RGR: variants seen among roughly 807,000 people sequenced by gnomAD.
The protein encoded by RGR is retinal G protein coupled receptor, also known as RPE-retinal G protein-coupled receptor.
In RGR, 30 loss-of-function variants were observed where a neutral mutation model predicts 28.6. That is an observed-to-expected ratio of 1.05 (90% CI 0.78 to 1.42). RGR has a LOEUF of 1.42. RGR is among the 40% of genes most tolerant of loss of function. The pLI is 0.00. For missense variants in RGR, 404 were observed against 375.6 expected, an observed-to-expected ratio of 1.08 and a Z score of -0.62; for synonymous variants, 180 against 156.4, an observed-to-expected ratio of 1.15 and a Z score of -1.13.
rs776462561 is a variant in RGR, at chr10:84,258,638, G to A, written c.875G>A (p.Ter292=). ...AAGAGGGAGAAGGACCGAACCAAGT[G>A]AGCCTGCCACCCTGGAGTGAGCCCC... ...PQKREKDRTK[*] is the part of the protein sequence containing the mutation. The change falls in exon 7 of 7, where the codon TGA becomes TAA. Residue 292 remains the stop codon, a stop_retained_variant. Transcript: ENST00000652092. The A allele has an allele frequency of 1.9e-6, 3 of 1,614,116 alleles. No homozygotes were observed. Among genetic ancestry groups the A allele is most frequent in the South Asian group, 2.2e-5 (2 of 91,086 alleles).
At chr10:84,255,318 C>A (rs1329256767) in intron 5 of RGR, 1 of 152,380 alleles carries the variant, frequency 6.6e-6, no homozygotes, top group Non-Finnish European at 1.5e-5. Flanking sequence ...TTCACCCAGA[C>A]CCCGTAACTC....
At chr10:84,248,329 C>A in intron 2 of RGR, 1 of 410,324 alleles carries the variant, frequency 2.4e-6, no homozygotes. Context: ...CAGGGTCTTC[C>A]ATCACAGCTT....
At position 84,258,559 on chromosome 10, in the gene RGR, G is replaced by A; in HGVS notation, c.796G>A (p.Ala266Thr). ...MVPTINAINY[A>T]LGNEMVCRGI... ...GCCCACGATCAATGCCATCAACTAT[G>A]CCCTGGGCAATGAGATGGTCTGCAG... The change falls in exon 7 of 7, where the codon GCC becomes ACC. Residue 266 changes from alanine to threonine, a missense_variant. Transcript: ENST00000652092. 6.2e-7 allele frequency: 1 copy of A among 1,614,204 alleles called. No individual in the cohort carries two copies. The highest frequency in any genetic ancestry group is 8.5e-7 in the Non-Finnish European group (1 of 1,180,044).
At position 84,258,693 on chromosome 10, in the gene RGR, C is replaced by G. The variant is rs1046012954; in HGVS notation, c.*54C>G. ...CAGGAGGCTGTTCCAGGAGTCCTGC[C>G]CAGCAGCCTCAGTGGCCAAGCCCAG... On this transcript the variant is annotated 3_prime_UTR_variant, in exon 7 of 7. Transcript: ENST00000652092. The G allele has an allele frequency of 4.5e-4, 726 of 1,611,492 alleles. No individual in the cohort carries two copies. The highest frequency in any genetic ancestry group is 6.0e-4 in the Non-Finnish European group (706 of 1,179,238).
At position 84,259,314 on chromosome 10, in the gene RGR, A is replaced by G. The variant is rs1023068093; in HGVS notation, c.*675A>G. 2.4e-5 allele frequency: 3 copies of G among 125,660 alleles called. No homozygotes were observed. The highest frequency in any genetic ancestry group is 1.6e-4 in the Admixed American group (2 of 12,822). The allele number at this position is 125,660 out of a possible 1,614,324, so 7.8% of individuals were successfully genotyped here. A position where few individuals can be genotyped will look rare whatever the true frequency, so the allele number is the denominator to read the frequency against. On this transcript the variant is annotated 3_prime_UTR_variant, in exon 7 of 7. Coordinates refer to ENST00000652092, the MANE Select transcript of RGR (RefSeq NM_001012720.2). ...AATCATCTGTTGATGGATAGATTCC[A>G]TATCTTTGCTACTGTAAACAGCTGT...
intron 1 of RGR, among the ~76,000 whole-genome samples, chr10:84,246,716 T>G (rs1842751166): frequency 6.6e-6 from 1 of 152,218 alleles, no homozygotes; most frequent in Non-Finnish European, 1.5e-5. Flanking sequence ...TTTGGCTGGA[T>G]TAAATGGCAG....
At chr10:84,254,110 G>A (rs977566823) in intron 4 of RGR, among the ~76,000 whole-genome samples, 1 of 152,186 alleles carries the variant, frequency 6.6e-6, no homozygotes, top group African/African-American at 2.4e-5. Flanking sequence ...AGGAAAGCAG[G>A]GCTGAGCACT....
chr10:84,252,770 C>T, intron 3 of RGR, 87 bp from the exon 4 acceptor site: 2 of 1,537,214 alleles, frequency 1.3e-6, no homozygotes, highest in Admixed American at 3.3e-5. Context: ...TGAAGGGACA[C>T]TCTTCGAGAT....
intron 1 of RGR, 32 bp downstream of exon 1, chr10:84,245,201 G>T: frequency 6.2e-7 from 1 of 1,604,704 alleles, no homozygotes. Flanking sequence ...GTGCAGCGGG[G>T]GCCCAGTGGG....
intron 5 of RGR, among the ~76,000 whole-genome samples, chr10:84,256,478 T>C (rs1238214268): frequency 6.6e-6 from 1 of 152,230 alleles, no homozygotes; most frequent in Non-Finnish European, 1.5e-5. Context: ...CCACCACCCA[T>C]GTGGTCAATC....
rs2132878758 is a variant in RGR, at chr10:84,248,949, C to T, written c.264C>T (p.Cys88=). Residue 88 remains cysteine (C), a synonymous_variant, in exon 3 of 7, where the codon TGC becomes TGT. Coordinates refer to ENST00000652092, the MANE Select transcript of RGR (RefSeq NM_001012720.2). Reference sequence around the variant, plus strand: ...GCTGGCCCTACGGCTCGGACGGCTGCCAGGCTCACGGCTTCCAGGGCTTTG... The same window carrying T: ...GCTGGCCCTACGGCTCGGACGGCTGTCAGGCTCACGGCTTCCAGGGCTTTG... The part of the protein sequence containing the change: ...LRRWPYGSDG[C]QAHGFQGFVT... 6.2e-7 allele frequency: 1 copy of T among 1,614,138 alleles called. No individual in the cohort carries two copies. The highest frequency in any genetic ancestry group is 1.7e-5 in the Admixed American group (1 of 60,020).
rs1189572628 is a variant in RGR at position 84,245,062 on chromosome 10, T to C, written c.-29T>C. On this transcript the variant is annotated 5_prime_UTR_variant, in exon 1 of 7. Transcript: ENST00000652092. ...CTGGCTGTGGGAAGCCAGAGACAGC[T>C]GGGCCACTGGCAGTGAGGGAGAGTG... is the stretch of plus-strand genomic sequence containing the variant. The C allele has an allele frequency of 1.3e-5, 21 of 1,610,642 alleles. No homozygotes were observed. The highest frequency in any genetic ancestry group is 1.8e-5 in the Non-Finnish European group (21 of 1,177,332).
chr10:84,245,265 A>C, intron 1 of RGR, 96 bp downstream of exon 1: 1 of 1,262,578 alleles, frequency 7.9e-7, no homozygotes, highest in African/African-American at 1.5e-5. Flanking sequence ...AGAGGTCCCC[A>C]AACCCAGCTG....
Position 84,248,934 on chromosome 10 carries a change from C to CGGCTCGGA in RGR, c.250_257dup (p.Asp86GlufsTer15), listed in dbSNP as rs1564548704. 3 of 1,614,008 alleles carry CGGCTCGGA rather than the reference C, an allele frequency of 1.9e-6. No homozygotes were observed. In the Admixed American group the frequency reaches 5.0e-5, roughly 27 times the overall value. ...GTGTCTCCCACAGGCGCTGGCCCTA[C>CGGCTCGGA]GGCTCGGACGGCTGCCAGGCTCACG... On this transcript the variant is annotated frameshift_variant, in exon 3 of 7. Coordinates refer to ENST00000652092, the MANE Select transcript of RGR (RefSeq NM_001012720.2). LOFTEE classifies it high-confidence loss of function.
intron 5 of RGR, among the ~76,000 whole-genome samples, chr10:84,255,793 C>T (rs1354070298): frequency 2.8e-5 from 4 of 141,504 alleles, no homozygotes; most frequent in South Asian, 2.2e-4. Flanking sequence ...GGTGTGATGT[C>T]GGCTCACCGC....
In RGR at chr10:84,258,617, G is replaced by C. The variant is rs771512606; in HGVS notation, c.854G>C (p.Arg285Thr). 6.2e-6 allele frequency: 10 copies of C among 1,614,192 alleles called. No individual in the cohort carries two copies. The highest frequency in any genetic ancestry group is 8.5e-6 in the Non-Finnish European group (10 of 1,180,030). Residue 285 changes from arginine to threonine, a missense_variant, in exon 7 of 7, where the codon AGG (arginine) becomes ACG (threonine). Transcript: ENST00000652092. ...GIWQCLSPQK[R>T]EKDRTK ...TGGCAGTGCCTCTCACCGCAGAAGA[G>C]GGAGAAGGACCGAACCAAGTGAGCC...
chr10:84,247,470 A>T, intron 1 of RGR, 121 bp from the exon 2 acceptor site: 1 of 1,166,454 alleles, frequency 8.6e-7, no homozygotes, highest in Non-Finnish European at 1.3e-6. Flanking sequence ...ATGCTACCCT[A>T]TATTGATTGT....
rs190407021 is a variant in RGR at position 84,259,276 on chromosome 10, G to A, written c.*637G>A. ...TATATAAACGTTATATATATGTAAC[G>A]TTTTCTTTATCCAATCATCTGTTGA... On this transcript the variant is annotated 3_prime_UTR_variant, in exon 7 of 7. Coordinates refer to ENST00000652092, the MANE Select transcript of RGR (RefSeq NM_001012720.2). The A allele has an allele frequency of 2.3e-3, 360 of 154,644 alleles. 2 individuals are homozygous for A. Among genetic ancestry groups the A allele is most frequent in the South Asian group, 0.019 (94 of 4,998 alleles). 9.6% of individuals were successfully genotyped at this position (154,644 alleles called of 1,614,324 possible). A position where few individuals can be genotyped will look rare whatever the true frequency, so the allele number is the denominator to read the frequency against.
chr10:84,259,673 G>C lies in RGR; in HGVS notation c.*1034G>C, dbSNP rs149812048. The C allele has an allele frequency of 2.0e-4, 30 of 151,934 alleles. No individual in the cohort carries two copies. In the East Asian group the frequency reaches 5.6e-3, roughly 28 times the overall value. 9.4% of individuals were successfully genotyped at this position (151,934 alleles called of 1,614,324 possible). A position where few individuals can be genotyped will look rare whatever the true frequency, so the allele number is the denominator to read the frequency against. ...TAAGCATTTTTTCATATGCTTCTTA[G>C]CCACGTGTATGTATTCTTTTTGAAA... On this transcript the variant is annotated 3_prime_UTR_variant, in exon 7 of 7. Transcript: ENST00000652092.
Sources: allele counts gnomAD v4.1 joint callset (sites outside exome capture counted in the v4.1 genomes callset), GRCh38; gene constraint gnomAD v4.1.1; transcripts MANE v1.5; gene names NCBI Gene and HGNC (gene_info 2026-07-23, HGNC 2026-07-21).